ULK4: variants seen among roughly 807,000 people sequenced by gnomAD.
ULK4 encodes unc-51 like kinase 4.
In ULK4, 133 loss-of-function variants were observed where a neutral mutation model predicts 160.6. That is an observed-to-expected ratio of 0.83 (90% CI 0.72 to 0.96). ULK4 has a LOEUF of 0.96. Among genes scored for constraint, ULK4 ranks in the 40% least tolerant of loss-of-function variants. The pLI is 0.00. For synonymous variants in ULK4, 534 were observed against 539.8 expected (o/e 0.99, Z 0.15); for missense variants, 1,580 against 1,499.5 (o/e 1.05, Z -0.89).
At chr3:41,372,510 T>C (rs2081390970) in intron 35 of ULK4, among the ~76,000 whole-genome samples, 1 of 152,062 alleles carries the variant, frequency 6.6e-6, no homozygotes, top group Non-Finnish European at 1.5e-5. Context: ...TAAAGAATTT[T>C]CAACCCAGAA....
intron 19 of ULK4, among the ~76,000 whole-genome samples, chr3:41,803,349 G>A (rs966225489): frequency 9.2e-5 from 14 of 152,036 alleles, no homozygotes; most frequent in East Asian, 7.7e-4. Context: ...GTTCAGGGCC[G>A]TAAAAAATAT....
At chr3:41,544,320 T>C (rs2086789487) in intron 32 of ULK4, among the ~76,000 whole-genome samples, 1 of 152,214 alleles carries the variant, frequency 6.6e-6, no homozygotes, top group African/African-American at 2.4e-5. Context: ...TGGCCAGACA[T>C]TTCCTTAAAT....
chr3:41,447,520 G>A (rs2083328096), intron 34 of ULK4, among the ~76,000 whole-genome samples: 1 of 152,074 alleles, frequency 6.6e-6, no homozygotes, highest in East Asian at 1.9e-4. Context: ...AAAGTAATGG[G>A]AGAAAGCAGA....
intron 30 of ULK4, among the ~76,000 whole-genome samples, chr3:41,642,820 T>C (rs958032578): frequency 1.3e-5 from 2 of 152,212 alleles, no homozygotes; most frequent in African/African-American, 4.8e-5. Flanking sequence ...TGTAAAAGTG[T>C]TCCTATTTCT....
At chr3:41,523,068 C>T (rs61588718) in intron 32 of ULK4, among the ~76,000 whole-genome samples, 2,747 of 152,094 alleles carry the variant, frequency 0.018, 88 homozygotes, top group African/African-American at 0.063. Context: ...ACCACCACGC[C>T]CGACTAATTT....
intron 35 of ULK4, among the ~76,000 whole-genome samples, chr3:41,370,743 G>C (rs1224841049): frequency 6.6e-6 from 1 of 152,212 alleles, no homozygotes; most frequent in Non-Finnish European, 1.5e-5. Context: ...CAAGCTAGCT[G>C]CAGGAGTATT....
intron 35 of ULK4, among the ~76,000 whole-genome samples, chr3:41,276,820 G>C (rs369540128): frequency 8.1e-4 from 123 of 152,290 alleles, no homozygotes; most frequent in African/African-American, 2.9e-3. Flanking sequence ...ATGACTTTTA[G>C]ATAGGAATTT....
chr3:41,647,857 A>G (rs2125733273), intron 30 of ULK4, among the ~76,000 whole-genome samples: 2 of 152,268 alleles, frequency 1.3e-5, no homozygotes, highest in Admixed American at 1.3e-4. Flanking sequence ...ACCCAGTTTG[A>G]GCTTCCCAGC....
intron 30 of ULK4, among the ~76,000 whole-genome samples, chr3:41,629,662 A>G (rs574502155): frequency 1.3e-5 from 2 of 152,258 alleles, no homozygotes; most frequent in East Asian, 3.9e-4. Context: ...ATGATCTACT[A>G]CAGTATGAGT....
At chr3:41,858,080 G>A (rs1044026085) in intron 17 of ULK4, among the ~76,000 whole-genome samples, 3 of 150,384 alleles carry the variant, frequency 2.0e-5, no homozygotes, top group Non-Finnish European at 4.4e-5. Context: ...TTTGACGTAG[G>A]CACTTATAGC....
chr3:41,372,031 A>G (rs1009146630), intron 35 of ULK4, among the ~76,000 whole-genome samples: 2 of 151,810 alleles, frequency 1.3e-5, no homozygotes, highest in African/African-American at 4.8e-5. Context: ...AATCAAGCAG[A>G]AGAAAGGATA....
At chr3:41,257,646 AAAATT>A (rs1488816906) in intron 35 of ULK4, among the ~76,000 whole-genome samples, 2 of 152,164 alleles carry the variant, frequency 1.3e-5, no homozygotes, top group African/African-American at 4.8e-5. Flanking sequence ...AAAAAAAAAA[AAAATT>A]AAACATAGTC....
intron 29 of ULK4, among the ~76,000 whole-genome samples, chr3:41,675,498 G>A (rs1575557658): frequency 1.3e-5 from 2 of 152,192 alleles, no homozygotes; most frequent in South Asian, 4.2e-4. Flanking sequence ...GCTGAGGCAG[G>A]AGAATCTCTT....
intron 11 of ULK4, among the ~76,000 whole-genome samples, chr3:41,909,678 G>A (rs111385964): frequency 0.013 from 1,965 of 152,158 alleles, 14 homozygotes; most frequent in Middle Eastern, 0.027. Flanking sequence ...TCATGCCACT[G>A]CACTCCAGCC....
chr3:41,396,721 C>T (rs1239920867), intron 35 of ULK4, among the ~76,000 whole-genome samples: 1 of 152,128 alleles, frequency 6.6e-6, no homozygotes, highest in African/African-American at 2.4e-5. Flanking sequence ...CGTGATTCCA[C>T]ATCATCTAGT....
intron 31 of ULK4, among the ~76,000 whole-genome samples, chr3:41,590,560 T>C (rs992980558): frequency 6.7e-6 from 1 of 149,950 alleles, no homozygotes; most frequent in Non-Finnish European, 1.5e-5. Flanking sequence ...TGTTCGAACC[T>C]GGGAGGCAGA....
chr3:41,907,316 G>T (rs1343853979), intron 12 of ULK4, among the ~76,000 whole-genome samples: 2 of 149,848 alleles, frequency 1.3e-5, no homozygotes, highest in African/African-American at 4.9e-5. Flanking sequence ...TTTTTTTAAA[G>T]AGGTGGGTCT....
rs547620166 is a variant in ULK4 at position 41,529,886 on chromosome 3, A to G, written c.3226+36139T>C. Among the ~76,000 whole-genome samples, 3 of 152,312 alleles carry G rather than the reference A, an allele frequency of 2.0e-5. No individual in the cohort carries two copies. The South Asian group carries it at 6.2e-4, about 32-fold the overall frequency. On this transcript the variant is annotated intron_variant, in intron 32 of 36. Coordinates refer to ENST00000301831, the MANE Select transcript of ULK4 (RefSeq NM_017886.4). ...GAAGTGAAAGAAGCCAGACACAAAG[A>G]CCAGGTATTGTATGATTCCATCTAT...
At chr3:41,268,838 C>CCA (rs2079091297) in intron 35 of ULK4, among the ~76,000 whole-genome samples, 1 of 149,948 alleles carries the variant, frequency 6.7e-6, no homozygotes. Flanking sequence ...AAAAAAAGCC[C>CCA]CACACTCCAC....
Sources: gnomAD v4.1 joint callset for allele counts (sites outside exome capture counted in the v4.1 genomes callset) on GRCh38, gnomAD v4.1.1 for gene constraint, MANE v1.5 for transcripts, NCBI Gene and HGNC (gene_info 2026-07-23, HGNC 2026-07-21) for gene names.